SARNP: variants seen among roughly 807,000 people sequenced by gnomAD.
SARNP encodes SAP domain containing ribonucleoprotein, also known as SAP domain-containing ribonucleoprotein.
SARNP carries 5 observed loss-of-function variants against 38.1 expected under a neutral mutation model. The ratio of observed to expected loss-of-function variants is 0.13; its 90% CI spans 0.07 to 0.28. The LOEUF is 0.28. Ranked by LOEUF, SARNP falls within the 10% of genes least tolerant of loss-of-function variation. The pLI, the probability that SARNP is intolerant of heterozygous loss-of-function variation, is 1.00. For synonymous variants in SARNP, 84 were observed against 80.6 expected (o/e 1.04, Z -0.23); for missense variants, 180 against 243.9 (o/e 0.74, Z 1.75).
At chr12:55,769,928 G>A (rs1427298570) in intron 9 of SARNP, among the ~76,000 whole-genome samples, 1 of 152,162 alleles carries the variant, frequency 6.6e-6, no homozygotes, top group Non-Finnish European at 1.5e-5. Flanking sequence ...TTTGACTTAA[G>A]ACGGGTTTTT....
At chr12:55,774,879 A>ATT (rs1555172031) in intron 9 of SARNP, among the ~76,000 whole-genome samples, 1 of 127,610 alleles carries the variant, frequency 7.8e-6, no homozygotes, top group Admixed American at 8.4e-5. Flanking sequence ...ACACATTTCT[A>ATT]TTTGTTTTTT....
At chr12:55,765,755 TC>T (rs1878810053) in intron 9 of SARNP, among the ~76,000 whole-genome samples, 1 of 151,582 alleles carries the variant, frequency 6.6e-6, no homozygotes, top group African/African-American at 2.4e-5. Flanking sequence ...AATACATCGT[TC>T]CCCCAACCCT....
At chr12:55,781,332 G>A (rs920268404) in intron 9 of SARNP, among the ~76,000 whole-genome samples, 2 of 151,626 alleles carry the variant, frequency 1.3e-5, no homozygotes, top group Admixed American at 6.6e-5. Context: ...TCAGGAGTTC[G>A]AGACCAGCCT....
chr12:55,794,956 TTAAAA>T, intron 5 of SARNP, 76 bp from the exon 6 acceptor site: 1 of 344,666 alleles, frequency 2.9e-6, no homozygotes, highest in Non-Finnish European at 5.1e-6. Context: ...GTAGGTATCT[TTAAAA>T]AAAAAAAAAA....
chr12:55,792,300 C>CG (rs1404239081), intron 7 of SARNP, among the ~76,000 whole-genome samples: 2 of 151,994 alleles, frequency 1.3e-5, no homozygotes, highest in Non-Finnish European at 2.9e-5. Flanking sequence ...AAACTACTGA[C>CG]GAGTCACAGG....
chr12:55,808,953 T>C (rs1243032378), intron 1 of SARNP, among the ~76,000 whole-genome samples: 3 of 152,126 alleles, frequency 2.0e-5, no homozygotes. Flanking sequence ...ATGTTTTGGC[T>C]CCAACACTTT....
At chr12:55,794,220 A>G in intron 7 of SARNP, 139 bp downstream of exon 7, 1 of 769,538 alleles carries the variant, frequency 1.3e-6, no homozygotes, top group South Asian at 1.5e-5. Flanking sequence ...TTTTACCTAA[A>G]GCAGGAGATG....
chr12:55,805,889 T>C (rs1880124232), intron 1 of SARNP, among the ~76,000 whole-genome samples: 1 of 151,436 alleles, frequency 6.6e-6, no homozygotes, highest in Non-Finnish European at 1.5e-5. Flanking sequence ...AATACAAAAC[T>C]AGCCAGGCAT....
intron 9 of SARNP, among the ~76,000 whole-genome samples, chr12:55,779,302 G>C (rs1325020644): frequency 6.6e-6 from 1 of 152,224 alleles, no homozygotes; most frequent in South Asian, 2.1e-4. Flanking sequence ...AGGTATCAAT[G>C]GCTGAGGGAG....
At chr12:55,815,491 T>C (rs1880454546) in intron 1 of SARNP, among the ~76,000 whole-genome samples, 4 of 152,178 alleles carry the variant, frequency 2.6e-5, no homozygotes, top group South Asian at 4.1e-4. Flanking sequence ...GGAGTCTCAC[T>C]GTCCCCCAGG....
At chr12:55,790,026 C>T (rs998397157) in intron 8 of SARNP, among the ~76,000 whole-genome samples, 1 of 151,550 alleles carries the variant, frequency 6.6e-6, no homozygotes, top group Non-Finnish European at 1.5e-5. Flanking sequence ...AACAGCAACC[C>T]CTAAAGCAGG....
intron 4 of SARNP, among the ~76,000 whole-genome samples, chr12:55,797,549 C>T (rs1439627483): frequency 1.3e-5 from 2 of 152,158 alleles, no homozygotes; most frequent in African/African-American, 4.8e-5. Flanking sequence ...TACTTGAAAT[C>T]CAATGCCATC....
intron 9 of SARNP, among the ~76,000 whole-genome samples, chr12:55,767,905 CAAAT>C (rs761072652): frequency 2.1e-4 from 24 of 115,396 alleles, no homozygotes; most frequent in Non-Finnish European, 4.0e-4. Flanking sequence ...TACAAATAAA[CAAAT>C]AAATAAATGA....
At chr12:55,786,269 A>G (rs1466586280) in intron 9 of SARNP, among the ~76,000 whole-genome samples, 2 of 152,226 alleles carry the variant, frequency 1.3e-5, no homozygotes, top group Non-Finnish European at 2.9e-5. Flanking sequence ...TCAATTTTGT[A>G]AATTCTGAAG....
chr12:55,806,603 G>A (rs569631233), intron 1 of SARNP, among the ~76,000 whole-genome samples: 194 of 152,204 alleles, frequency 1.3e-3, no homozygotes, highest in Non-Finnish European at 1.5e-3. Context: ...ACGGAGTCTC[G>A]CTCTATCACC....
At chr12:55,774,007 C>G (rs1157599792) in intron 9 of SARNP, among the ~76,000 whole-genome samples, 1 of 149,998 alleles carries the variant, frequency 6.7e-6, no homozygotes, top group Non-Finnish European at 1.5e-5. Context: ...TGCACCTGGC[C>G]CTTTTTTCTT....
chr12:55,793,272 C>G (rs1221488335), intron 7 of SARNP: 1 of 152,288 alleles, frequency 6.6e-6, no homozygotes, highest in South Asian at 2.1e-4. Context: ...CAGAGCAAGA[C>G]TGTGTCTCAA....
At chr12:55,763,609 A>G (rs984149704) in intron 9 of SARNP, among the ~76,000 whole-genome samples, 1 of 152,064 alleles carries the variant, frequency 6.6e-6, no homozygotes, top group Admixed American at 6.6e-5. Flanking sequence ...ATCCAGGCTC[A>G]TTTACTACTT....
chr12:55,799,827 C>T (rs558497552), intron 4 of SARNP, among the ~76,000 whole-genome samples: 69 of 149,784 alleles, frequency 4.6e-4, no homozygotes, highest in African/African-American at 1.6e-3. Context: ...GCTGGGATTA[C>T]AAGTGTGTGC....
Sources: gnomAD v4.1 joint callset for allele counts (sites outside exome capture counted in the v4.1 genomes callset) on GRCh38, gnomAD v4.1.1 for gene constraint, MANE v1.5 for transcripts, NCBI Gene and HGNC (gene_info 2026-07-23, HGNC 2026-07-21) for gene names.